RHEB: variants seen among roughly 807,000 people sequenced by gnomAD.
RHEB encodes GTP-binding protein Rheb.
RHEB carries 2 observed loss-of-function variants against 28.8 expected under a neutral mutation model. That is an observed-to-expected ratio of 0.07 (90% CI 0.03 to 0.22). The LOEUF (loss-of-function observed/expected upper bound fraction) is 0.22, where lower values mean the gene tolerates loss of function less well. Ranked by LOEUF, RHEB falls within the 10% of genes least tolerant of loss-of-function variation. The pLI, the probability that RHEB is intolerant of heterozygous loss-of-function variation, is 1.00. For synonymous variants in RHEB, 69 were observed against 77.3 expected, an observed-to-expected ratio of 0.89 and a Z score of 0.56; for missense variants, 76 against 219.9, an observed-to-expected ratio of 0.35 and a Z score of 4.14.
chr7:151,489,390 C>T (rs1263843665), intron 2 of RHEB, among the ~76,000 whole-genome samples: 1 of 152,204 alleles, frequency 6.6e-6, no homozygotes, highest in Non-Finnish European at 1.5e-5. Flanking sequence ...CTAGACAAAT[C>T]ATAGGATGTA....
chr7:151,483,956 G>A (rs774734940), intron 3 of RHEB, among the ~76,000 whole-genome samples: 3 of 152,008 alleles, frequency 2.0e-5, no homozygotes, highest in African/African-American at 4.8e-5. Context: ...TACATTAACC[G>A]ACATGTGAAT....
chr7:151,490,906 G>T (rs751756976), intron 2 of RHEB, 37 bp downstream of exon 2: 3 of 1,448,730 alleles, frequency 2.1e-6, no homozygotes, highest in African/African-American at 2.8e-5. Flanking sequence ...ACAAAAGAAG[G>T]CTTCTCAGTT....
chr7:151,486,082 G>A (rs372509390), intron 2 of RHEB, among the ~76,000 whole-genome samples: 16 of 152,294 alleles, frequency 1.1e-4, no homozygotes, highest in African/African-American at 3.9e-4. Flanking sequence ...CTCTGAACTT[G>A]GGATGCATCC....
intron 1 of RHEB, 23 bp from the exon 2 acceptor site, chr7:151,491,037 A>G: frequency 6.3e-7 from 1 of 1,585,042 alleles, no homozygotes; most frequent in Non-Finnish European, 8.6e-7. Flanking sequence ...ACAAGAGCTT[A>G]GTGTGTGTTG....
intron 1 of RHEB, among the ~76,000 whole-genome samples, chr7:151,509,573 C>T (rs2150938100): frequency 6.6e-6 from 1 of 152,296 alleles, no homozygotes; most frequent in South Asian, 2.1e-4. Flanking sequence ...ATCTCATCTA[C>T]TCTGCGCCTT....
rs1802182463 is a variant in RHEB, at chr7:151,472,581, A to G, written c.276-976T>C. ...CTTACACCTCTTCTGTTTACCCTAA[A>G]TGACAAATTTCCTTTCCATTTCTTA... On this transcript the variant is annotated intron_variant, in intron 4 of 7. Transcript: ENST00000262187. This position sits in a 1 kb window ranked among gnomAD's most constrained non-coding sequence, Gnocchi z 5.2. 6.6e-6 allele frequency among the ~76,000 whole-genome samples: 1 copy of G among 152,138 alleles called. No individual in the cohort carries two copies. Among genetic ancestry groups the G allele is most frequent in the Admixed American group, 6.5e-5 (1 of 15,272 alleles).
rs547074804 is a variant in RHEB, at chr7:151,468,422, C to T, written c.463-1211G>A. Among the ~76,000 whole-genome samples the T allele has an allele frequency of 3.9e-5, 6 of 152,324 alleles. No individual in the cohort carries two copies. Among genetic ancestry groups the T allele is most frequent in the African/African-American group, 9.6e-5 (4 of 41,578 alleles). On this transcript the variant is annotated intron_variant, in intron 7 of 7. Coordinates refer to ENST00000262187, the MANE Select transcript of RHEB (RefSeq NM_005614.4). This position sits in a 1 kb window ranked among gnomAD's most constrained non-coding sequence, Gnocchi z 4.3. ...ACGGTGCCCGCGGCCACACCGTAAA[C>T]GCTGCCCAGGGAAAACACACACCGC...
Position 151,471,591 on chromosome 7 carries a change from T to C in RHEB, c.290A>G (p.Lys97Arg). ...VTSIKSFEVI[K>R]VIHGKLLDMV... ...ATCCAACAATTTGCCATGGATAACT[T>C]TAATCACTTCAAAACTATAAAACAA... Residue 97 changes from lysine to arginine, a missense_variant, in exon 5 of 8, where the codon AAA (lysine) becomes AGA (arginine). Transcript: ENST00000262187. 1 of 1,601,924 alleles carries C rather than the reference T, an allele frequency of 6.2e-7. No homozygotes were observed. The highest frequency in any genetic ancestry group is 8.5e-7 in the Non-Finnish European group (1 of 1,171,874).
chr7:151,498,085 T>C, intron 1 of RHEB: 1 of 1,284,870 alleles, frequency 7.8e-7, no homozygotes, highest in Non-Finnish European at 1.0e-6. Context: ...TCCATTTTAC[T>C]CACCTAAATT....
chr7:151,467,028 A>C lies in RHEB; in HGVS notation c.*91T>G, dbSNP rs113627586. 1,263 of 921,438 alleles carry C rather than the reference A, an allele frequency of 1.4e-3. 10 individuals carry two copies. In the African/African-American group the frequency reaches 0.019, roughly 14 times the overall value. 57.1% of individuals were successfully genotyped at this position (921,438 alleles called of 1,614,324 possible). Reference sequence around the variant, plus strand: ...TGATATCTTTCAGGTTAACAGAAGAAAAAAGAAGCATAGTTTATCTTCAAG... The same window carrying C: ...TGATATCTTTCAGGTTAACAGAAGACAAAAGAAGCATAGTTTATCTTCAAG... On this transcript the variant is annotated 3_prime_UTR_variant, in exon 8 of 8. Transcript: ENST00000262187.
At chr7:151,502,499 A>G (rs544065634) in intron 1 of RHEB, 1 of 912,426 alleles carries the variant, frequency 1.1e-6, no homozygotes, top group South Asian at 1.3e-5. Flanking sequence ...AGAAGAAGGA[A>G]AGGAAAAGAA....
At chr7:151,494,342 C>CG (rs1011318235) in intron 1 of RHEB, among the ~76,000 whole-genome samples, 9 of 152,060 alleles carry the variant, frequency 5.9e-5, no homozygotes, top group Non-Finnish European at 7.4e-5. Flanking sequence ...AGTGAAGGGA[C>CG]GGGGGAAAAG....
chr7:151,477,287 T>A, intron 4 of RHEB, 46 bp downstream of exon 4: 1 of 1,063,758 alleles, frequency 9.4e-7, no homozygotes, highest in Non-Finnish European at 1.5e-6. Context: ...GGATCAATGT[T>A]ATCTATGAGT....
At chr7:151,509,553 C>T (rs3789817) in intron 1 of RHEB, among the ~76,000 whole-genome samples, 77,798 of 151,862 alleles carry the variant, frequency 0.51, 20,053 homozygotes, top group South Asian at 0.6. Context: ...CTCCCATGTG[C>T]GTCCTCTTCA....
chr7:151,508,779 T>G (rs1802932908), intron 1 of RHEB, among the ~76,000 whole-genome samples: 1 of 152,048 alleles, frequency 6.6e-6, no homozygotes, highest in African/African-American at 2.4e-5. Context: ...CGTGAGCCAC[T>G]GCACCAGGCC....
chr7:151,500,060 C>A (rs1017229667), intron 1 of RHEB, among the ~76,000 whole-genome samples: 1 of 152,172 alleles, frequency 6.6e-6, no homozygotes, highest in East Asian at 1.9e-4. Flanking sequence ...TTCTGTCCTC[C>A]CAAAGTGCTG....
At chr7:151,498,212 A>G (rs575963470) in intron 1 of RHEB, 711 of 1,175,754 alleles carry the variant, frequency 6.0e-4, no homozygotes, top group Middle Eastern at 3.3e-3. Flanking sequence ...AATAGAGTTT[A>G]AAGTACTGGA....
At chr7:151,469,342 A>C (rs983504690) in intron 7 of RHEB, among the ~76,000 whole-genome samples, 6 of 152,248 alleles carry the variant, frequency 3.9e-5, no homozygotes, top group Non-Finnish European at 8.8e-5. Context: ...CTCAGATCTC[A>C]GAACAAATTA....
At chr7:151,491,300 T>C (rs2150929445) in intron 1 of RHEB, among the ~76,000 whole-genome samples, 1 of 152,342 alleles carries the variant, frequency 6.6e-6, no homozygotes, top group South Asian at 2.1e-4. Flanking sequence ...TTAAAGATAA[T>C]CTAAAAGGTT....
Sources: allele counts gnomAD v4.1 joint callset (sites outside exome capture counted in the v4.1 genomes callset), GRCh38; gene constraint gnomAD v4.1.1; non-coding constraint Gnocchi (gnomAD v3.1); transcripts MANE v1.5; gene names NCBI Gene and HGNC (gene_info 2026-07-23, HGNC 2026-07-21).